The following TIAM1 variants were observed in gnomAD, a reference collection of about 807,000 sequenced individuals.
TIAM1 encodes TIAM Rac1 associated GEF 1.
In TIAM1, 65 loss-of-function variants were observed where a neutral mutation model predicts 163.5. The ratio of observed to expected loss-of-function variants is 0.40; its 90% CI spans 0.33 to 0.49. The LOEUF is 0.49. Among genes scored for constraint, TIAM1 ranks in the 20% least tolerant of loss-of-function variants. The pLI is 0.77. For missense variants in TIAM1, 1,789 were observed against 2,044.7 expected (o/e 0.87, Z 2.41); for synonymous variants, 833 against 810.1 (o/e 1.03, Z -0.48).
At chr21:31,341,190 C>T (rs575104179) in intron 1 of TIAM1, among the ~76,000 whole-genome samples, 27 of 152,274 alleles carry the variant, frequency 1.8e-4, no homozygotes, top group African/African-American at 4.3e-4. Context: ...AAACCTTACA[C>T]GAATATTCAT....
At chr21:31,407,515 G>C (rs2833396) in intron 2 of TIAM1, among the ~76,000 whole-genome samples, 1 of 151,908 alleles carries the variant, frequency 6.6e-6, no homozygotes, top group Non-Finnish European at 1.5e-5. Flanking sequence ...TGAGCCACTG[G>C]ATACCCTGGT....
chr21:31,143,141 A>C (rs2082935486), intron 20 of TIAM1, among the ~76,000 whole-genome samples: 1 of 152,088 alleles, frequency 6.6e-6, no homozygotes, highest in Non-Finnish European at 1.5e-5. Context: ...CCCCTCCCCC[A>C]TACCTCGCCC....
At chr21:31,254,251 C>T (rs969136715) in intron 4 of TIAM1, among the ~76,000 whole-genome samples, 1 of 152,238 alleles carries the variant, frequency 6.6e-6, no homozygotes, top group Non-Finnish European at 1.5e-5. Flanking sequence ...AAAGCTATCT[C>T]ATTGATTGAC....
Position 31,252,330 on chromosome 21 carries a change from C to G in TIAM1, c.964-141G>C. The G allele has an allele frequency of 3.3e-6, 3 of 896,490 alleles. No homozygotes were observed. The South Asian group carries it at 4.9e-5, about 15-fold the overall frequency. 55.5% of individuals were successfully genotyped at this position (896,490 alleles called of 1,614,324 possible). A position where few individuals can be genotyped will look rare whatever the true frequency, so the allele number is the denominator to read the frequency against. Reference sequence around the variant, plus strand: ...AAGGCACAGCCACTCCTGACGGCTCCTGGACCAGGTCCTGCTCAACCCTGG... The same window carrying G: ...AAGGCACAGCCACTCCTGACGGCTCGTGGACCAGGTCCTGCTCAACCCTGG... On this transcript the variant is annotated intron_variant, in intron 4 of 27. Coordinates refer to ENST00000541036, the MANE Select transcript of TIAM1 (RefSeq NM_001353694.2).
At chr21:31,409,483 G>A (rs2077307710) in intron 2 of TIAM1, among the ~76,000 whole-genome samples, 1 of 151,992 alleles carries the variant, frequency 6.6e-6, no homozygotes, top group African/African-American at 2.4e-5. Flanking sequence ...CCCACCTCCT[G>A]CTCCCCACAT....
chr21:31,382,582 T>C (rs997555028), intron 2 of TIAM1, among the ~76,000 whole-genome samples: 33 of 152,224 alleles, frequency 2.2e-4, no homozygotes, highest in African/African-American at 7.7e-4. Flanking sequence ...CCAATGACAC[T>C]GCTCTCTGAA....
intron 2 of TIAM1, among the ~76,000 whole-genome samples, chr21:31,413,332 C>T (rs577868653): frequency 1.1e-3 from 157 of 139,776 alleles, no homozygotes; most frequent in African/African-American, 3.9e-3. Flanking sequence ...TGCAGTGGCA[C>T]GATCTCAGCT....
Position 31,548,745 on chromosome 21 carries a change from TC to T in TIAM1, c.-422+10181del, listed in dbSNP as rs377199634. 3.3e-3 allele frequency among the ~76,000 whole-genome samples: 499 copies of T among 152,038 alleles called. 2 individuals are homozygous for T. The highest frequency in any genetic ancestry group is 0.012 in the African/African-American group (479 of 41,452). ...CACAAGCGATCCACCCACCTCAGCC[TC>T]CCCAAGTGCCAGCATTGCAGGCATG... On this transcript the variant is annotated intron_variant, in intron 1 of 28. Transcript: ENST00000286827.
chr21:31,429,946 C>T (rs1181873077), intron 2 of TIAM1, among the ~76,000 whole-genome samples: 3 of 152,122 alleles, frequency 2.0e-5, no homozygotes, highest in East Asian at 3.9e-4. Flanking sequence ...TGGTGGCACA[C>T]GCCTGTCCTA....
intron 16 of TIAM1, among the ~76,000 whole-genome samples, chr21:31,157,820 C>T (rs1356908976): frequency 6.6e-6 from 1 of 152,124 alleles, no homozygotes; most frequent in Non-Finnish European, 1.5e-5. Flanking sequence ...TGATGTTGAA[C>T]AAAACGTTAT....
intron 2 of TIAM1, among the ~76,000 whole-genome samples, chr21:31,296,148 G>A (rs1308011945): frequency 2.0e-5 from 3 of 152,112 alleles, no homozygotes; most frequent in Non-Finnish European, 2.9e-5. Context: ...AAAATAGTAT[G>A]ATCATTTTGG....
rs75805990 is a variant in TIAM1, at chr21:31,330,041, A to T, written c.-189+9202T>A. Among the ~76,000 whole-genome samples, 658 of 152,334 alleles carry T rather than the reference A, an allele frequency of 4.3e-3. 5 individuals carry two copies. The highest frequency in any genetic ancestry group is 0.015 in the African/African-American group (631 of 41,580). ...AATAAACATATATTGACACATCATT[A>T]TTACCCAAAGTCCATAGTTCACATT... On this transcript the variant is annotated intron_variant, in intron 2 of 27. Coordinates refer to ENST00000541036, the MANE Select transcript of TIAM1 (RefSeq NM_001353694.2).
chr21:31,524,022 A>AC (rs1200141978), intron 1 of TIAM1, among the ~76,000 whole-genome samples: 1 of 151,946 alleles, frequency 6.6e-6, no homozygotes, highest in Non-Finnish European at 1.5e-5. Flanking sequence ...AACTCAAAAA[A>AC]AAAAAATAGT....
intron 2 of TIAM1, among the ~76,000 whole-genome samples, chr21:31,327,968 C>T (rs762970676): frequency 7.2e-5 from 11 of 152,078 alleles, no homozygotes; most frequent in Non-Finnish European, 1.3e-4. Flanking sequence ...CCTGCCCTGA[C>T]GACCCTCCTC....
intron 2 of TIAM1, among the ~76,000 whole-genome samples, chr21:31,373,067 AAG>A (rs1491042351): frequency 2.8e-4 from 40 of 143,886 alleles, no homozygotes; most frequent in African/African-American, 6.1e-4. Context: ...AAAAAAAAAA[AAG>A]AAAAGAAAAG....
At chr21:31,403,761 T>C (rs117806270) in intron 2 of TIAM1, among the ~76,000 whole-genome samples, 2,100 of 152,210 alleles carry the variant, frequency 0.014, 82 homozygotes, top group East Asian at 0.13. Context: ...CCCTTCTGCT[T>C]GATGCATCTT....
At chr21:31,541,633 G>T (rs2048326285) in intron 1 of TIAM1, among the ~76,000 whole-genome samples, 1 of 152,114 alleles carries the variant, frequency 6.6e-6, no homozygotes, top group South Asian at 2.1e-4. Context: ...ACAATATGCA[G>T]GCTGATGGTG....
At chr21:31,256,439 A>G (rs1209044040) in intron 4 of TIAM1, among the ~76,000 whole-genome samples, 1 of 152,120 alleles carries the variant, frequency 6.6e-6, no homozygotes, top group Admixed American at 6.6e-5. Flanking sequence ...GCTAACTACA[A>G]TGCAGAATTC....
intron 2 of TIAM1, among the ~76,000 whole-genome samples, chr21:31,456,214 C>G (rs1055276689): frequency 6.6e-6 from 1 of 152,116 alleles, no homozygotes; most frequent in Non-Finnish European, 1.5e-5. Flanking sequence ...AAGAATAAAA[C>G]ATTTGCAAAA....
Sources: allele counts gnomAD v4.1 joint callset (sites outside exome capture counted in the v4.1 genomes callset), GRCh38; gene constraint gnomAD v4.1.1; transcripts MANE v1.5; gene names NCBI Gene and HGNC (gene_info 2026-07-23, HGNC 2026-07-21).